The following RANBP2 variants were observed in gnomAD, a reference collection of about 807,000 sequenced individuals.
RANBP2 encodes RAN binding protein 2.
In RANBP2, 57 loss-of-function variants were observed where a neutral mutation model predicts 303.6. The observed-to-expected ratio is 0.19, with a 90% CI of 0.15 to 0.23. RANBP2 has a LOEUF of 0.23. RANBP2 is among the 10% of genes least tolerant of loss of function. The pLI is 1.00. For missense variants in RANBP2, 3,138 were observed against 3,780.8 expected, an observed-to-expected ratio of 0.83 and a Z score of 4.46; for synonymous variants, 1,167 against 1,301.5, an observed-to-expected ratio of 0.90 and a Z score of 2.23.
chr2:109,428,545 C>T, the RANBP2 span, among the ~76,000 whole-genome samples: 2 of 152,240 alleles, frequency 1.3e-5, no homozygotes, highest in African/African-American at 4.8e-5. Context: ...ACACCTGCCG[C>T]GGCCACTTCT....
At chr2:109,045,692 G>A in the RANBP2 span, among the ~76,000 whole-genome samples, 10 of 152,246 alleles carry the variant, frequency 6.6e-5, no homozygotes, top group African/African-American at 1.7e-4. Flanking sequence ...GCCACTTCCC[G>A]GGACTGGGGT....
chr2:109,274,804 AG>A, the RANBP2 span, among the ~76,000 whole-genome samples: 5 of 152,168 alleles, frequency 3.3e-5, no homozygotes, highest in African/African-American at 1.2e-4. Flanking sequence ...CATCAATAAA[AG>A]AGCTAGTTCT....
chr2:108,846,709 T>A, the RANBP2 span: 1 of 1,561,910 alleles, frequency 6.4e-7, no homozygotes. Context: ...CATGAATAAA[T>A]ATACTAAGAT....
At chr2:109,483,040 A>T in the RANBP2 span, among the ~76,000 whole-genome samples, 1 of 152,060 alleles carries the variant, frequency 6.6e-6, no homozygotes, top group Non-Finnish European at 1.5e-5. Context: ...TTCATTGTAG[A>T]TCTTCTATTC....
At chr2:109,237,110 C>A in the RANBP2 span, among the ~76,000 whole-genome samples, 2 of 152,076 alleles carry the variant, frequency 1.3e-5, no homozygotes, top group Non-Finnish European at 2.9e-5. Flanking sequence ...GGCCAAAAGA[C>A]AAAATACACA....
At chr2:108,827,456 A>C in the RANBP2 span, among the ~76,000 whole-genome samples, 2 of 152,236 alleles carry the variant, frequency 1.3e-5, no homozygotes, top group Non-Finnish European at 2.9e-5. Context: ...GGGATTTTGC[A>C]TGTGCTGGAT....
At chr2:109,303,413 A>G in the RANBP2 span, among the ~76,000 whole-genome samples, 1 of 152,222 alleles carries the variant, frequency 6.6e-6, no homozygotes, top group Non-Finnish European at 1.5e-5. Context: ...CTCACACTAT[A>G]TTTTTAATGT....
chr2:108,919,899 G>C, the RANBP2 span, among the ~76,000 whole-genome samples: 1 of 152,240 alleles, frequency 6.6e-6, no homozygotes, highest in Non-Finnish European at 1.5e-5. Flanking sequence ...TGGAGCTTCA[G>C]GCCATCTCTG....
rs1284883910 is a variant in RANBP2, at chr2:108,767,906, C to T, written c.7367C>T (p.Ser2456Leu). 3.1e-6 allele frequency: 5 copies of T among 1,611,210 alleles called. No homozygotes were observed. Among genetic ancestry groups the T allele is most frequent in the Non-Finnish European group, 4.2e-6 (5 of 1,179,742 alleles). ...TTGATAACACCTCATGTTTCTCGGT[C>T]AAGCACTCCCAGAGAGTCACCATGT... ...DSLITPHVSR[S>L]STPRESPCGK... The change falls in exon 20 of 29, where the codon TCA becomes TTA. Residue 2456 changes from serine (S) to leucine (L), a missense_variant. Physicochemically the swap from Ser to Leu is moderately radical, Grantham distance 145 (BLOSUM62 -2). This residue lies in a region of RANBP2 where 92 missense variants were observed against 211.0 expected (regional missense o/e 0.44). Coordinates refer to ENST00000283195, the MANE Select transcript of RANBP2 (RefSeq NM_006267.5).
chr2:109,256,090 T>G, the RANBP2 span, among the ~76,000 whole-genome samples: 1 of 152,204 alleles, frequency 6.6e-6, no homozygotes. Flanking sequence ...ATACTTGGCA[T>G]TCCCATGAGC....
chr2:109,155,502 G>C, the RANBP2 span, among the ~76,000 whole-genome samples: 3 of 151,944 alleles, frequency 2.0e-5, no homozygotes, highest in Non-Finnish European at 4.4e-5. Flanking sequence ...GGGGTTTCAC[G>C]GTGTTAGCCA....
chr2:109,374,887 G>A, the RANBP2 span, among the ~76,000 whole-genome samples: 13 of 152,296 alleles, frequency 8.5e-5, no homozygotes, highest in Admixed American at 6.5e-4. Flanking sequence ...TAAGCCCACG[G>A]TGGACCTCAC....
chr2:109,695,374 AC>A, the RANBP2 span, among the ~76,000 whole-genome samples: 1 of 152,144 alleles, frequency 6.6e-6, no homozygotes, highest in Non-Finnish European at 1.5e-5. Context: ...TATTTTGGAT[AC>A]TAATTTTGAG....
the RANBP2 span, among the ~76,000 whole-genome samples, chr2:109,337,736 C>CT: frequency 4.7e-5 from 7 of 150,502 alleles, no homozygotes; most frequent in East Asian, 1.9e-4. Context: ...TAAGGTCCCC[C>CT]TTTTTTTTTG....
At chr2:109,413,742 A>G in the RANBP2 span, among the ~76,000 whole-genome samples, 1 of 152,164 alleles carries the variant, frequency 6.6e-6, no homozygotes, top group Non-Finnish European at 1.5e-5. Flanking sequence ...GCCTTGTAGG[A>G]CCTGAGTTTG....
chr2:108,838,599 A>G, the RANBP2 span, among the ~76,000 whole-genome samples: 1 of 152,186 alleles, frequency 6.6e-6, no homozygotes, highest in Non-Finnish European at 1.5e-5. Flanking sequence ...GCAAAATGAT[A>G]TACTTTTGAA....
chr2:109,311,529 A>G, the RANBP2 span, among the ~76,000 whole-genome samples: 124 of 151,194 alleles, frequency 8.2e-4, no homozygotes, highest in African/African-American at 2.8e-3. Flanking sequence ...AGGGTATTCA[A>G]TGAGGAAAAG....
At chr2:109,131,277 T>C in the RANBP2 span, among the ~76,000 whole-genome samples, 4 of 151,904 alleles carry the variant, frequency 2.6e-5, no homozygotes, top group Admixed American at 2.6e-4. Flanking sequence ...TCAGGAAGAA[T>C]GGGGACAGTC....
At chr2:109,615,134 G>A in the RANBP2 span, 1 of 1,549,736 alleles carries the variant, frequency 6.5e-7, no homozygotes, top group Non-Finnish European at 8.7e-7. Flanking sequence ...GCTCCCCGCA[G>A]CTGAAGAGGA....
Sources: gnomAD v4.1 joint callset for allele counts (sites outside exome capture counted in the v4.1 genomes callset) on GRCh38, gnomAD v4.1.1 for gene constraint, gnomAD v4.1.1 regional missense constraint, MANE v1.5 for transcripts, NCBI Gene and HGNC (gene_info 2026-07-23, HGNC 2026-07-21) for gene names.